UXS1: variants seen among roughly 807,000 people sequenced by gnomAD.
UXS1 encodes the protein UDP-glucuronic acid decarboxylase 1.
Under a neutral mutation model 62.6 loss-of-function variants are expected in UXS1, and 33 were observed. That is an observed-to-expected ratio of 0.53 (90% CI 0.40 to 0.70). The LOEUF is 0.70. Among genes scored for constraint, UXS1 ranks in the 30% least tolerant of loss-of-function variants. UXS1 has a pLI of 0.00. For missense variants in UXS1, 434 were observed against 556.3 expected (o/e 0.78, Z 2.21); for synonymous variants, 213 against 206.8 (o/e 1.03, Z -0.26).
intron 6 of UXS1, among the ~76,000 whole-genome samples, chr2:106,130,491 G>A (rs1318391267): frequency 6.6e-6 from 1 of 152,204 alleles, no homozygotes; most frequent in African/African-American, 2.4e-5. Context: ...TCCAGACAAA[G>A]TCCATGTCAT....
At chr2:106,128,803 A>C (rs1388607388) in intron 7 of UXS1, among the ~76,000 whole-genome samples, 2 of 152,204 alleles carry the variant, frequency 1.3e-5, no homozygotes, top group Non-Finnish European at 2.9e-5. Context: ...CATCTAAGAG[A>C]TAAACCAATC....
intron 1 of UXS1, among the ~76,000 whole-genome samples, chr2:106,193,113 C>T (rs1440716988): frequency 6.6e-6 from 1 of 152,136 alleles, no homozygotes; most frequent in Non-Finnish European, 1.5e-5. Context: ...AACAGCTGGG[C>T]TGTAGCACAC....
intron 10 of UXS1, among the ~76,000 whole-genome samples, chr2:106,111,643 GA>G (rs1179425988): frequency 6.6e-6 from 1 of 152,124 alleles, no homozygotes; most frequent in African/African-American, 2.4e-5. Flanking sequence ...ATCCTTGCCT[GA>G]AAAAGGAGGG....
chr2:106,121,008 T>C (rs539343157), intron 9 of UXS1, among the ~76,000 whole-genome samples: 1 of 152,172 alleles, frequency 6.6e-6, no homozygotes, highest in African/African-American at 2.4e-5. Context: ...TCCCGAGACC[T>C]ATGTGAGCAG....
intron 5 of UXS1, among the ~76,000 whole-genome samples, chr2:106,156,027 G>C (rs1164323803): frequency 6.6e-6 from 1 of 152,026 alleles, no homozygotes; most frequent in Non-Finnish European, 1.5e-5. Context: ...AGTACAAGCA[G>C]CAAGAGAAAA....
At chr2:106,146,511 G>T (rs1681578204) in intron 5 of UXS1, among the ~76,000 whole-genome samples, 1 of 152,180 alleles carries the variant, frequency 6.6e-6, no homozygotes, top group African/African-American at 2.4e-5. Flanking sequence ...TGGAGTGGTA[G>T]CTCATGCCTG....
intron 14 of UXS1, among the ~76,000 whole-genome samples, chr2:106,095,394 G>A (rs1676991773): frequency 6.6e-6 from 1 of 152,170 alleles, no homozygotes; most frequent in Non-Finnish European, 1.5e-5. Flanking sequence ...GCAGTTTTTA[G>A]CAGATTACGT....
chr2:106,106,991 T>G (rs954719597), intron 10 of UXS1, among the ~76,000 whole-genome samples: 1 of 152,202 alleles, frequency 6.6e-6, no homozygotes, highest in Non-Finnish European at 1.5e-5. Flanking sequence ...GTAGATTTTT[T>G]TTTCTTTTTT....
intron 12 of UXS1, 153 bp downstream of exon 12, chr2:106,100,905 T>G: frequency 2.2e-6 from 2 of 927,364 alleles, no homozygotes; most frequent in South Asian, 1.6e-5. Flanking sequence ...TACTTTGTGT[T>G]TGTTTGTTTT....
intron 6 of UXS1, among the ~76,000 whole-genome samples, chr2:106,136,965 C>CAAAAAAAAAAAA (rs397701050): frequency 8.1e-4 from 44 of 54,128 alleles, no homozygotes; most frequent in East Asian, 2.3e-3. Flanking sequence ...AGAACACACA[C>CAAAAAAAAAAAA]AAAAAAAAAA....
chr2:106,173,232 C>A (rs1489023697), intron 1 of UXS1, among the ~76,000 whole-genome samples: 1 of 152,128 alleles, frequency 6.6e-6, no homozygotes, highest in African/African-American at 2.4e-5. Context: ...AAAAGCTCCC[C>A]CAAATGACTG....
Position 106,145,387 on chromosome 2 carries a change from T to C in UXS1, c.292-17A>G. ...TCCTGTTATCTGCATCCGGACAGCGTGTGCAGAGCATTCCCAGAAAAAGCA... is the reference window on the plus strand; with the variant it reads ...TCCTGTTATCTGCATCCGGACAGCGCGTGCAGAGCATTCCCAGAAAAAGCA... On this transcript the variant is annotated splice_polypyrimidine_tract_variant and intron_variant, in intron 5 of 14. Transcript: ENST00000283148. 1 of 1,601,066 alleles carries C rather than the reference T, an allele frequency of 6.2e-7. No homozygotes were observed.
chr2:106,180,185 T>C (rs1684153536), intron 1 of UXS1, among the ~76,000 whole-genome samples: 1 of 152,206 alleles, frequency 6.6e-6, no homozygotes, highest in African/African-American at 2.4e-5. Flanking sequence ...ACCATTTACA[T>C]TTTAAAAGCA....
At chr2:106,095,920 G>A (rs1271281824) in intron 14 of UXS1, among the ~76,000 whole-genome samples, 5 of 152,202 alleles carry the variant, frequency 3.3e-5, no homozygotes. Flanking sequence ...AGCAGGCGGG[G>A]TTCAGGCTCA....
chr2:106,178,515 C>G (rs1482429924), intron 1 of UXS1, among the ~76,000 whole-genome samples: 3 of 9,886 alleles, frequency 3.0e-4, no homozygotes, highest in Admixed American at 3.0e-3. Flanking sequence ...TATACATATA[C>G]AAGTCTATGT....
chr2:106,104,769 C>G lies in UXS1; in HGVS notation c.923+25G>C, dbSNP rs1053134380. 3 of 1,613,834 alleles carry G rather than the reference C, an allele frequency of 1.9e-6. No homozygotes were observed. The African/African-American group carries it at 4.0e-5, about 22-fold the overall frequency. ...CCCCTGCTCCAAAGCACTGCTAAGG[C>G]TGGGGCAGGGCAGGACAGTCTTACC... On this transcript the variant is annotated intron_variant, in intron 11 of 14. Transcript: ENST00000283148.
At chr2:106,099,692 A>G (rs1421498658) in intron 12 of UXS1, among the ~76,000 whole-genome samples, 2 of 152,226 alleles carry the variant, frequency 1.3e-5, no homozygotes, top group Non-Finnish European at 2.9e-5. Context: ...CAGGGAAGTC[A>G]CTGACAACAC....
intron 5 of UXS1, among the ~76,000 whole-genome samples, chr2:106,150,364 A>T (rs912642270): frequency 6.6e-6 from 1 of 152,220 alleles, no homozygotes; most frequent in Non-Finnish European, 1.5e-5. Flanking sequence ...CTGTCCCTTA[A>T]GACAATGGGA....
chr2:106,139,188 A>C (rs1283214797), intron 6 of UXS1, among the ~76,000 whole-genome samples: 1 of 152,150 alleles, frequency 6.6e-6, no homozygotes, highest in African/African-American at 2.4e-5. Flanking sequence ...ACAGAAAGGC[A>C]GCCCATTCAT....
Sources: allele counts gnomAD v4.1 joint callset (sites outside exome capture counted in the v4.1 genomes callset), GRCh38; gene constraint gnomAD v4.1.1; transcripts MANE v1.5; gene names NCBI Gene and HGNC (gene_info 2026-07-23, HGNC 2026-07-21).